DNAJC5: variants seen among roughly 807,000 people sequenced by gnomAD.
The protein encoded by DNAJC5 is DnaJ heat shock protein family (Hsp40) member C5.
In DNAJC5, 1 loss-of-function variant was observed where a neutral mutation model predicts 23.2. The ratio of observed to expected loss-of-function variants is 0.04; its 90% confidence interval spans 0.02 to 0.20. The LOEUF is 0.20. DNAJC5 is among the 10% of genes least tolerant of loss of function. DNAJC5 has a pLI of 1.00. For missense variants in DNAJC5, 180 were observed against 267.0 expected (o/e 0.67, Z 2.27); for synonymous variants, 136 against 120.0 (o/e 1.13, Z -0.87).
chr20:63,924,985 G>A (rs1600880473), intron 1 of DNAJC5, among the ~76,000 whole-genome samples: 2 of 152,234 alleles, frequency 1.3e-5, no homozygotes, highest in Non-Finnish European at 2.9e-5. Context: ...GGTGAGGAGG[G>A]CGGAGAAGAA....
chr20:63,898,056 G>C (rs1490824648), intron 1 of DNAJC5, among the ~76,000 whole-genome samples: 2 of 152,172 alleles, frequency 1.3e-5, no homozygotes, highest in Non-Finnish European at 2.9e-5. Flanking sequence ...CAGCACCTTT[G>C]CCCAAGGTCT....
intron 1 of DNAJC5, among the ~76,000 whole-genome samples, chr20:63,921,033 C>T (rs140624761): frequency 2.9e-4 from 44 of 152,206 alleles, no homozygotes; most frequent in African/African-American, 1.0e-3. Context: ...GGTCTCAGCT[C>T]GCTGCAAACT....
intron 1 of DNAJC5, among the ~76,000 whole-genome samples, chr20:63,903,428 C>T (rs977036772): frequency 1.3e-5 from 2 of 152,134 alleles, no homozygotes; most frequent in African/African-American, 4.8e-5. Context: ...CTGCCTCAGC[C>T]TCTGTAGCAG....
intron 1 of DNAJC5, among the ~76,000 whole-genome samples, chr20:63,901,798 G>T (rs1039295518): frequency 1.3e-5 from 2 of 152,210 alleles, no homozygotes; most frequent in Non-Finnish European, 2.9e-5. Context: ...TTGTAAGAAG[G>T]TTTCCCTAAG....
rs1301325027 is a variant in DNAJC5, at chr20:63,929,674, CCGTGCGGG to C, written c.321+151_321+158del. Reference sequence around the variant, plus strand: ...CGTGCGGGCACCCGAGTCTCTCCTGCCGTGCGGGCACCCGAGTCACTCCTGCCGTGCGG... The same window carrying C: ...CGTGCGGGCACCCGAGTCTCTCCTGCCACCCGAGTCACTCCTGCCGTGCGG... On this transcript the variant is annotated intron_variant, in intron 3 of 4. Coordinates refer to ENST00000360864, the MANE Select transcript of DNAJC5 (RefSeq NM_025219.3). The surrounding 1 kb of genome is among the most constrained non-coding windows in gnomAD (Gnocchi z 8.6). 519 of 814,656 alleles carry C rather than the reference CCGTGCGGG, an allele frequency of 6.4e-4. 8 individuals are homozygous for C. In the African/African-American group the frequency reaches 8.2e-3, roughly 13 times the overall value. The allele number at this position is 814,656 out of a possible 1,614,324, so 50.5% of individuals were successfully genotyped here. A position where few individuals can be genotyped will look rare whatever the true frequency, so the allele number is the denominator to read the frequency against.
chr20:63,910,671 G>GT (rs1555877875), intron 1 of DNAJC5, among the ~76,000 whole-genome samples: 376 of 101,730 alleles, frequency 3.7e-3, no homozygotes, highest in African/African-American at 9.8e-3. Context: ...TTTTGAGAAT[G>GT]TTTTTTTTTT....
chr20:63,919,027 A>T (rs2053539729), intron 1 of DNAJC5, among the ~76,000 whole-genome samples: 1 of 152,252 alleles, frequency 6.6e-6, no homozygotes, highest in Admixed American at 6.5e-5. Flanking sequence ...TTTCCCCAAC[A>T]GTAGTTTGAG....
At chr20:63,916,447 G>A (rs943314689) in intron 1 of DNAJC5, among the ~76,000 whole-genome samples, 5 of 152,186 alleles carry the variant, frequency 3.3e-5, no homozygotes, top group African/African-American at 9.7e-5. Context: ...TTTCAGAAGG[G>A]GAGGGGGTGC....
chr20:63,904,005 G>A (rs1436729345), intron 1 of DNAJC5, among the ~76,000 whole-genome samples: 1 of 152,142 alleles, frequency 6.6e-6, no homozygotes, highest in East Asian at 1.9e-4. Context: ...GCTGAGGTGG[G>A]AGGATCCCTG....
chr20:63,928,192 G>A lies in DNAJC5; in HGVS notation c.-11-143G>A, dbSNP rs1166029442. ...GTCTCACACTTCTCCATGCCATGGC[G>A]TCTGTCTGTGCACGTGGCAAACTCC... On this transcript the variant is annotated intron_variant, in intron 1 of 4. Transcript: ENST00000360864. This position sits in a 1 kb window ranked among gnomAD's most constrained non-coding sequence, Gnocchi z 4.6. 1.3e-5 allele frequency: 9 copies of A among 690,588 alleles called. No individual in the cohort carries two copies. The highest frequency in any genetic ancestry group is 6.3e-5 in the South Asian group (4 of 63,956). The allele number at this position is 690,588 out of a possible 1,614,324, so 42.8% of individuals were successfully genotyped here. A position where few individuals can be genotyped will look rare whatever the true frequency, so the allele number is the denominator to read the frequency against.
chr20:63,923,589 G>T (rs1600879096), intron 1 of DNAJC5, among the ~76,000 whole-genome samples: 2 of 152,212 alleles, frequency 1.3e-5, no homozygotes. Context: ...GCTGGGCGTG[G>T]TATTGCACAC....
chr20:63,918,212 G>A (rs2427554), intron 1 of DNAJC5, among the ~76,000 whole-genome samples: 52,187 of 151,892 alleles, frequency 0.34, 10,692 homozygotes, highest in East Asian at 0.81. Context: ...TCTTAGGAAC[G>A]TAGGCGTTTC....
rs2053702651 is a variant in DNAJC5, at chr20:63,934,600, G to A, written c.*3032G>A. The stretch of plus-strand genomic sequence containing the variant: ...CTGTATAGATTTGTCTCCACTCAGT[G>A]ACGTGGGATTTTTTTGTCTTCCTTT... On this transcript the variant is annotated 3_prime_UTR_variant, in exon 5 of 5. Transcript: ENST00000360864. 1 of 152,276 alleles carries A rather than the reference G, an allele frequency of 6.6e-6. No homozygotes were observed. Among genetic ancestry groups the A allele is most frequent in the Admixed American group, 6.5e-5 (1 of 15,284 alleles). 9.4% of individuals were successfully genotyped at this position (152,276 alleles called of 1,614,324 possible). A position where few individuals can be genotyped will look rare whatever the true frequency, so the allele number is the denominator to read the frequency against.
In DNAJC5 at chr20:63,920,067, C is replaced by G. The variant is rs1295295404; in HGVS notation, c.-11-8268C>G. 1.0e-5 allele frequency: 4 copies of G among 389,638 alleles called. No individual in the cohort carries two copies. The highest frequency in any genetic ancestry group is 4.7e-5 in the African/African-American group (2 of 42,208). The allele number at this position is 389,638 out of a possible 1,614,324, so 24.1% of individuals were successfully genotyped here. A position where few individuals can be genotyped will look rare whatever the true frequency, so the allele number is the denominator to read the frequency against. ...CATGTGCCCAGGGCCCGGGACAGCGCCACGGAAGAGGACGCACCCGGCTGT... is the reference window on the plus strand; with the variant it reads ...CATGTGCCCAGGGCCCGGGACAGCGGCACGGAAGAGGACGCACCCGGCTGT... On this transcript the variant is annotated intron_variant, in intron 1 of 4. Transcript: ENST00000360864. The surrounding 1 kb of genome is among the most constrained non-coding windows in gnomAD (Gnocchi z 4.6).
chr20:63,932,599 C>G lies in DNAJC5; in HGVS notation c.*1031C>G, dbSNP rs1336158526. The G allele has an allele frequency of 3.3e-5, 5 of 152,634 alleles. No individual in the cohort carries two copies. The highest frequency in any genetic ancestry group is 3.3e-4 in the Admixed American group (5 of 15,288). The allele number at this position is 152,634 out of a possible 1,614,324, so 9.5% of individuals were successfully genotyped here. On this transcript the variant is annotated 3_prime_UTR_variant, in exon 5 of 5. Transcript: ENST00000360864. This position sits in a 1 kb window ranked among gnomAD's most constrained non-coding sequence, Gnocchi z 4.4. Reference sequence around the variant, plus strand: ...GACGGGGGCTCTCCCACGACCCCTCCTCCTGTGTTTGCCAGAGCTCCCATC... The same window carrying G: ...GACGGGGGCTCTCCCACGACCCCTCGTCCTGTGTTTGCCAGAGCTCCCATC...
chr20:63,913,088 T>C (rs2053492670), intron 1 of DNAJC5, among the ~76,000 whole-genome samples: 1 of 152,192 alleles, frequency 6.6e-6, no homozygotes, highest in African/African-American at 2.4e-5. Flanking sequence ...TCCATCTCCC[T>C]GTCTGCACTG....
At chr20:63,908,795 A>G (rs919153663) in intron 1 of DNAJC5, among the ~76,000 whole-genome samples, 5 of 152,052 alleles carry the variant, frequency 3.3e-5, no homozygotes, top group African/African-American at 1.2e-4. Flanking sequence ...GTGAGACCCC[A>G]TCTCAAAAAG....
chr20:63,908,194 T>C (rs817380), intron 1 of DNAJC5, among the ~76,000 whole-genome samples: 2,082 of 152,286 alleles, frequency 0.014, 10 homozygotes, highest in African/African-American at 0.024. Flanking sequence ...TGAAACCCTA[T>C]GTATGTGCTT....
intron 1 of DNAJC5, among the ~76,000 whole-genome samples, chr20:63,913,115 T>TGCACTGCCTCCCC (rs1165614580): frequency 6.6e-6 from 1 of 151,778 alleles, no homozygotes; most frequent in African/African-American, 2.4e-5. Context: ...CCAGAGGTGT[T>TGCACTGCCTCCCC]TGCTGGTGCC....
Sources: allele counts gnomAD v4.1 joint callset (sites outside exome capture counted in the v4.1 genomes callset), GRCh38; gene constraint gnomAD v4.1.1; non-coding constraint Gnocchi (gnomAD v3.1); transcripts MANE v1.5; gene names NCBI Gene and HGNC (gene_info 2026-07-23, HGNC 2026-07-21).